Variants in UGP2 observed in about 807,000 individuals in gnomAD.
The protein encoded by UGP2 is UDP-glucose pyrophosphorylase 2, also known as UTP--glucose-1-phosphate uridylyltransferase.
UGP2 carries 40 observed loss-of-function variants against 49.0 expected under a neutral mutation model. That is an observed-to-expected ratio of 0.82 (90% CI 0.63 to 1.06). UGP2 has a LOEUF of 1.06. UGP2 is among the 50% of genes least tolerant of loss of function. UGP2 has a pLI of 0.00. For synonymous variants in UGP2, 225 were observed against 213.0 expected, an observed-to-expected ratio of 1.06 and a Z score of -0.49; for missense variants, 460 against 603.5, an observed-to-expected ratio of 0.76 and a Z score of 2.49.
chr2:63,860,186 G>A (rs1669738796), intron 3 of UGP2, among the ~76,000 whole-genome samples: 1 of 152,110 alleles, frequency 6.6e-6, no homozygotes, highest in African/African-American at 2.4e-5. Flanking sequence ...AGAAATTACT[G>A]TGGAAGAACA....
chr2:63,866,271 A>G (rs547831330), intron 3 of UGP2, among the ~76,000 whole-genome samples: 1 of 152,366 alleles, frequency 6.6e-6, no homozygotes, highest in East Asian at 1.9e-4. Flanking sequence ...CGTGCTATAA[A>G]TAAGGAAAAG....
intron 3 of UGP2, among the ~76,000 whole-genome samples, chr2:63,878,592 C>T (rs1014918391): frequency 6.6e-6 from 1 of 152,146 alleles, no homozygotes; most frequent in African/African-American, 2.4e-5. Context: ...GGACTCAGAA[C>T]GTGGGCAGAT....
intron 3 of UGP2, among the ~76,000 whole-genome samples, chr2:63,878,003 A>C: frequency 2.0e-5 from 1 of 50,570 alleles, no homozygotes; most frequent in Admixed American, 2.1e-4. Flanking sequence ...CCGTCTCAAA[A>C]AAAAAAAAAA....
At chr2:63,842,755 ATTGCTGT>A (rs1403512345) in intron 1 of UGP2, among the ~76,000 whole-genome samples, 1 of 152,180 alleles carries the variant, frequency 6.6e-6, no homozygotes, top group Admixed American at 6.5e-5. Context: ...ACTTTGCTGC[ATTGCTGT>A]GTTTATTTTT....
chr2:63,877,804 T>C (rs1671010184), intron 3 of UGP2, among the ~76,000 whole-genome samples: 1 of 150,568 alleles, frequency 6.6e-6, no homozygotes. Flanking sequence ...CCATCCTGGC[T>C]AACAAGGTGA....
chr2:63,855,526 T>TTTTTTTTTTTTTTTTTTTTC, intron 1 of UGP2: 1 of 275,912 alleles, frequency 3.6e-6, no homozygotes, highest in South Asian at 2.9e-5. Flanking sequence ...TTCTGTTTTT[T>TTTTTTTTTTTTTTTTTTTTC]TTTTTTTTTT....
chr2:63,842,448 C>T, intron 1 of UGP2: 1 of 1,548,352 alleles, frequency 6.5e-7, no homozygotes, highest in Non-Finnish European at 8.7e-7. Flanking sequence ...GTTAGTAGTA[C>T]CGTCGCTTTC....
At chr2:63,886,215 T>A in intron 6 of UGP2, 126 bp from the exon 7 acceptor site, 1 of 982,388 alleles carries the variant, frequency 1.0e-6, no homozygotes, top group East Asian at 2.5e-5. Context: ...TTGTCCCTTT[T>A]ATGAAAATTT....
At position 63,891,404 on chromosome 2, in the gene UGP2, C is replaced by T. The variant is rs1575868684; in HGVS notation, c.*177C>T. On this transcript the variant is annotated 3_prime_UTR_variant, in exon 10 of 10. Coordinates refer to ENST00000337130, the MANE Select transcript of UGP2 (RefSeq NM_006759.4). ...TAAGAAAAGCACAGATGGAGCAATACTTTCCTTCTTTGAAGAGAATCCCAA... is the reference window on the plus strand; with the variant it reads ...TAAGAAAAGCACAGATGGAGCAATATTTTCCTTCTTTGAAGAGAATCCCAA... 9.4e-6 allele frequency: 4 copies of T among 424,886 alleles called. No homozygotes were observed. In the East Asian group the frequency reaches 1.1e-4, roughly 12 times the overall value. The allele number at this position is 424,886 out of a possible 1,614,324, so 26.3% of individuals were successfully genotyped here.
At chr2:63,886,201 T>C (rs1671659490) in intron 6 of UGP2, 140 bp from the exon 7 acceptor site, 2 of 901,740 alleles carry the variant, frequency 2.2e-6, no homozygotes, top group Admixed American at 4.7e-5. Context: ...TAAATGTTAT[T>C]TCATTGTCCC....
intron 1 of UGP2, chr2:63,855,630 C>G: frequency 2.3e-6 from 1 of 430,742 alleles, no homozygotes; most frequent in Non-Finnish European, 4.6e-6. Flanking sequence ...CAGCCTCTGC[C>G]TCCTCGGCTC....
chr2:63,875,027 T>C (rs768558311), intron 3 of UGP2, among the ~76,000 whole-genome samples: 10 of 152,346 alleles, frequency 6.6e-5, no homozygotes, highest in Non-Finnish European at 1.5e-4. Context: ...AAAGACATTA[T>C]TCTAGGTATG....
intron 5 of UGP2, among the ~76,000 whole-genome samples, chr2:63,884,953 AGTTT>A (rs1216711699): frequency 4.3e-5 from 5 of 115,372 alleles, no homozygotes; most frequent in East Asian, 6.8e-4. Context: ...TTGTGTCATT[AGTTT>A]GTTTGGTTGT....
intron 8 of UGP2, chr2:63,888,433 CAA>C (rs1192377939): frequency 8.5e-5 from 13 of 152,132 alleles, no homozygotes; most frequent in African/African-American, 2.7e-4. Flanking sequence ...ATTTTAAAAA[CAA>C]AACACTTCTA....
Position 63,842,897 on chromosome 2 carries a change from A to G in UGP2, c.19+693A>G, listed in dbSNP as rs544057119. On this transcript the variant is annotated intron_variant, in intron 1 of 9. Transcript: ENST00000337130. ...TCAACTGAGATTATCAGTAACGTGT[A>G]TATGAATGCATGTGTGTACGGTGTA... Among the ~76,000 whole-genome samples the G allele has an allele frequency of 1.2e-4, 18 of 152,366 alleles. No homozygotes were observed. In the Middle Eastern group the frequency reaches 0.01, roughly 86 times the overall value.
At chr2:63,878,111 T>C (rs926877442) in intron 3 of UGP2, among the ~76,000 whole-genome samples, 1 of 151,922 alleles carries the variant, frequency 6.6e-6, no homozygotes, top group African/African-American at 2.4e-5. Flanking sequence ...AGTCCTGCTA[T>C]GTTGGTTTTG....
At chr2:63,869,248 C>G (rs1670384162) in intron 3 of UGP2, among the ~76,000 whole-genome samples, 1 of 152,162 alleles carries the variant, frequency 6.6e-6, no homozygotes, top group South Asian at 2.1e-4. Context: ...GAGAAGGCGT[C>G]TCTAAGTTGA....
intron 1 of UGP2, among the ~76,000 whole-genome samples, chr2:63,851,374 G>A (rs928208541): frequency 3.9e-5 from 6 of 152,176 alleles, no homozygotes; most frequent in African/African-American, 9.7e-5. Context: ...GTTTTGAGGG[G>A]TGTTTGATAT....
intron 9 of UGP2, among the ~76,000 whole-genome samples, chr2:63,890,591 T>C (rs181853070): frequency 6.6e-6 from 1 of 152,310 alleles, no homozygotes; most frequent in East Asian, 1.9e-4. Context: ...TGTAATTTTT[T>C]AAAAAATCTC....
Sources: allele counts gnomAD v4.1 joint callset (sites outside exome capture counted in the v4.1 genomes callset), GRCh38; gene constraint gnomAD v4.1.1; transcripts MANE v1.5; gene names NCBI Gene and HGNC (gene_info 2026-07-23, HGNC 2026-07-21).